ARHGAP44: variants seen among roughly 807,000 people sequenced by gnomAD.
ARHGAP44 encodes the protein Rho GTPase activating protein 44, also known as rho GTPase-activating protein 44.
ARHGAP44 carries 43 observed loss-of-function variants against 106.8 expected under a neutral mutation model. The ratio of observed to expected loss-of-function variants is 0.40; its 90% confidence interval spans 0.32 to 0.52. ARHGAP44 has a LOEUF of 0.52. Ranked by LOEUF, ARHGAP44 falls within the 20% of genes least tolerant of loss-of-function variation. The pLI is 0.48. For missense variants in ARHGAP44, 866 were observed against 1,050.5 expected, an observed-to-expected ratio of 0.82 and a Z score of 2.43; for synonymous variants, 439 against 410.3, an observed-to-expected ratio of 1.07 and a Z score of -0.85.
At position 12,990,023 on chromosome 17, in the gene ARHGAP44, G is replaced by C; in HGVS notation, c.2318-9G>C. The C allele has an allele frequency of 1.3e-5, 21 of 1,594,004 alleles. No individual in the cohort carries two copies. The highest frequency in any genetic ancestry group is 1.8e-5 in the Non-Finnish European group (21 of 1,163,118). ...CCTTTCAACCACCTCTCTCTCTGCCGCCTTCCAGATCTTGTCCACTTTGAT... is the reference window on the plus strand; with the variant it reads ...CCTTTCAACCACCTCTCTCTCTGCCCCCTTCCAGATCTTGTCCACTTTGAT... On this transcript the variant is annotated splice_polypyrimidine_tract_variant and intron_variant, in intron 20 of 20. Transcript: ENST00000379672.
chr17:12,865,956 G>A (rs1326510851), intron 1 of ARHGAP44, among the ~76,000 whole-genome samples: 1 of 152,094 alleles, frequency 6.6e-6, no homozygotes, highest in East Asian at 1.9e-4. Flanking sequence ...GACTGTTGCA[G>A]CAAAGTCATT....
intron 1 of ARHGAP44, among the ~76,000 whole-genome samples, chr17:12,828,939 T>G (rs2035008004): frequency 6.6e-6 from 1 of 152,154 alleles, no homozygotes; most frequent in Non-Finnish European, 1.5e-5. Context: ...CATGAGCCAC[T>G]GAGCCTGGCC....
At chr17:12,798,529 C>G (rs1312544534) in intron 1 of ARHGAP44, among the ~76,000 whole-genome samples, 2 of 152,050 alleles carry the variant, frequency 1.3e-5, no homozygotes, top group East Asian at 1.9e-4. Flanking sequence ...AGTCAGTACC[C>G]ATGAGGAGCT....
chr17:12,874,884 T>G (rs1310320149), intron 1 of ARHGAP44, among the ~76,000 whole-genome samples: 1 of 150,758 alleles, frequency 6.6e-6, no homozygotes, highest in Non-Finnish European at 1.5e-5. Context: ...AAAGGGAAAG[T>G]TAGATATGCC....
intron 1 of ARHGAP44, among the ~76,000 whole-genome samples, chr17:12,857,922 TCACTAATAAGCTAGACCACCTTAGC>T (rs2035958520): frequency 1.3e-5 from 2 of 152,086 alleles, no homozygotes; most frequent in Admixed American, 1.3e-4. Flanking sequence ...GGGACTTGGA[TCACTAATAAGCTAGACCACCTTAGC>T]CACTATTAGT....
intron 1 of ARHGAP44, among the ~76,000 whole-genome samples, chr17:12,838,653 C>T (rs1239961201): frequency 1.3e-5 from 2 of 152,064 alleles, no homozygotes; most frequent in East Asian, 1.9e-4. Context: ...ACCTTATTCA[C>T]CCCCCACCCA....
chr17:12,906,889 A>G (rs2037566380), intron 3 of ARHGAP44, among the ~76,000 whole-genome samples: 1 of 152,110 alleles, frequency 6.6e-6, no homozygotes, highest in South Asian at 2.1e-4. Context: ...TCAGTGAGCT[A>G]TGATTGCAAC....
At chr17:12,987,241 G>C in intron 20 of ARHGAP44, 1 of 1,191,646 alleles carries the variant, frequency 8.4e-7, no homozygotes, top group Non-Finnish European at 1.2e-6. Context: ...CTCTGCATGT[G>C]GCTCAGACCA....
chr17:12,814,063 A>G (rs536114670), intron 1 of ARHGAP44, among the ~76,000 whole-genome samples: 2 of 152,078 alleles, frequency 1.3e-5, no homozygotes, highest in Admixed American at 6.5e-5. Flanking sequence ...TTAATTGTCT[A>G]CAGCGGTGTT....
chr17:12,851,841 C>T (rs146313204), intron 1 of ARHGAP44, among the ~76,000 whole-genome samples: 57 of 152,150 alleles, frequency 3.7e-4, no homozygotes, highest in South Asian at 8.3e-4. Flanking sequence ...TTCATCTCAT[C>T]GGCCCAAAAT....
chr17:12,957,639 T>C (rs2039162573), intron 15 of ARHGAP44, among the ~76,000 whole-genome samples: 1 of 152,086 alleles, frequency 6.6e-6, no homozygotes, highest in Non-Finnish European at 1.5e-5. Flanking sequence ...GAAGATAACT[T>C]CCTAAGAGGG....
intron 1 of ARHGAP44, among the ~76,000 whole-genome samples, chr17:12,795,720 T>G (rs2033897528): frequency 6.6e-6 from 1 of 152,148 alleles, no homozygotes; most frequent in African/African-American, 2.4e-5. Context: ...AATAAAATTA[T>G]GCTACATCTG....
intron 1 of ARHGAP44, among the ~76,000 whole-genome samples, chr17:12,838,115 AT>A (rs2035289654): frequency 6.6e-6 from 1 of 152,188 alleles, no homozygotes; most frequent in Non-Finnish European, 1.5e-5. Flanking sequence ...TTTAAATAAC[AT>A]TTTACAAAAA....
intron 16 of ARHGAP44, among the ~76,000 whole-genome samples, chr17:12,972,637 A>G (rs1307333448): frequency 6.7e-6 from 1 of 149,504 alleles, no homozygotes; most frequent in Non-Finnish European, 1.5e-5. Context: ...GACAAGAGCG[A>G]AACTCTGTCT....
intron 6 of ARHGAP44, among the ~76,000 whole-genome samples, chr17:12,920,300 G>A (rs112886627): frequency 4.5e-5 from 6 of 133,838 alleles, no homozygotes; most frequent in African/African-American, 6.9e-5. Flanking sequence ...GGTGTGAACC[G>A]GGGAGGCGGA....
rs756029615 is a variant in ARHGAP44, at chr17:12,915,903, G to A, written c.279G>A (p.Lys93=). ...TTCTTTCCCCCTTGGATTACAGGAA[G>A]ATGCTGAAACTCTGTGGAGAGACGG... ...AILGDDTLLG[K]MLKLCGETED... Residue 93 remains lysine (K), a synonymous_variant, in exon 5 of 21, where the codon AAG becomes AAA. Coordinates refer to ENST00000379672, the MANE Select transcript of ARHGAP44 (RefSeq NM_014859.6). 3.1e-6 allele frequency: 5 copies of A among 1,613,424 alleles called. No homozygotes were observed. In the East Asian group the frequency reaches 6.7e-5, roughly 22 times the overall value.
intron 16 of ARHGAP44, among the ~76,000 whole-genome samples, chr17:12,963,738 C>CGGCCATGCACCAG (rs2039323929): frequency 7.7e-6 from 1 of 130,154 alleles, no homozygotes. Flanking sequence ...TTGCGAAGCC[C>CGGCCATGCACCAG]TGCCAGAACT....
At chr17:12,870,832 T>C (rs1265931474) in intron 1 of ARHGAP44, among the ~76,000 whole-genome samples, 1 of 152,226 alleles carries the variant, frequency 6.6e-6, no homozygotes, top group Non-Finnish European at 1.5e-5. Context: ...TTTTTACTTA[T>C]ATTTAAAACT....
intron 3 of ARHGAP44, among the ~76,000 whole-genome samples, chr17:12,907,821 A>G (rs2037600502): frequency 1.3e-5 from 2 of 152,000 alleles, no homozygotes; most frequent in East Asian, 3.9e-4. Context: ...GTTACTTTGG[A>G]TATATACCCA....
Sources: gnomAD v4.1 joint callset for allele counts (sites outside exome capture counted in the v4.1 genomes callset) on GRCh38, gnomAD v4.1.1 for gene constraint, MANE v1.5 for transcripts, NCBI Gene and HGNC (gene_info 2026-07-23, HGNC 2026-07-21) for gene names.